The following PLA2G5 variants were observed in gnomAD, a reference collection of about 807,000 sequenced individuals.
PLA2G5 encodes the protein phospholipase A2 group V, also known as Ca2+-dependent phospholipase A2.
A neutral mutation model predicts 15.9 loss-of-function variants in PLA2G5; 12 were observed. That is an observed-to-expected ratio of 0.76 (90% confidence interval 0.48 to 1.23). The LOEUF is 1.23. Among genes scored for constraint, PLA2G5 ranks in the 50% most tolerant of loss-of-function variants. The pLI is 0.00. For synonymous variants in PLA2G5, 71 were observed against 71.4 expected (o/e 0.99, Z 0.03); for missense variants, 169 against 177.1 (o/e 0.95, Z 0.26).
intron 1 of PLA2G5, among the ~76,000 whole-genome samples, chr1:20,076,376 C>G (rs913718271): frequency 1.3e-5 from 2 of 152,176 alleles, no homozygotes; most frequent in Non-Finnish European, 2.9e-5. Context: ...AACTGTAACT[C>G]AGCTCTCACT....
intron 1 of PLA2G5, among the ~76,000 whole-genome samples, chr1:20,078,886 C>A (rs2015844492): frequency 6.6e-6 from 1 of 151,976 alleles, no homozygotes; most frequent in African/African-American, 2.4e-5. Context: ...GTGAGAGGAT[C>A]ACTTGACCCC....
At chr1:20,069,162 C>A, upstream of PLA2G5, 1 of 401,072 alleles carries the variant, frequency 2.5e-6, no homozygotes. Context: ...GCTATGGTGC[C>A]GCTAGGAATG....
rs780209439 is a variant in PLA2G5 at position 20,084,808 on chromosome 1, T to C, written c.-10-13T>C. 7.0e-7 allele frequency: 1 copy of C among 1,432,842 alleles called. No individual in the cohort carries two copies. The highest frequency in any genetic ancestry group is 9.4e-7 in the Non-Finnish European group (1 of 1,059,940). The allele number at this position is 1,432,842 out of a possible 1,614,324, so 88.8% of individuals were successfully genotyped here. On this transcript the variant is annotated splice_polypyrimidine_tract_variant and intron_variant, in intron 1 of 4. Transcript: ENST00000375108. ...CCTGATAGATCTGTTGTGGGATGTGTTTTTTTTTCCAGAACCCCAGAGATG... is the reference window on the plus strand; with the variant it reads ...CCTGATAGATCTGTTGTGGGATGTGCTTTTTTTTCCAGAACCCCAGAGATG...
intron 1 of PLA2G5, among the ~76,000 whole-genome samples, chr1:20,045,791 G>A (rs1013732707): frequency 2.6e-5 from 4 of 152,162 alleles, no homozygotes; most frequent in Non-Finnish European, 5.9e-5. Context: ...AATGTCATGC[G>A]TGTCCATGTG....
intron 1 of PLA2G5, among the ~76,000 whole-genome samples, chr1:20,045,729 G>A (rs2100371004): frequency 6.6e-6 from 1 of 152,316 alleles, no homozygotes; most frequent in South Asian, 2.1e-4. Flanking sequence ...ACAGCAGGAG[G>A]ACAGGGGATT....
At chr1:20,048,399 T>A (rs1187350017) in intron 1 of PLA2G5, among the ~76,000 whole-genome samples, 2 of 152,184 alleles carry the variant, frequency 1.3e-5, no homozygotes, top group African/African-American at 2.4e-5. Context: ...GAATAGGGGT[T>A]ACAAAACTCT....
chr1:20,052,946 C>T (rs2014247862), intron 1 of PLA2G5, among the ~76,000 whole-genome samples: 1 of 152,170 alleles, frequency 6.6e-6, no homozygotes, highest in Non-Finnish European at 1.5e-5. Flanking sequence ...AAGCCCCCTC[C>T]CCACTTCAAA....
intron 1 of PLA2G5, among the ~76,000 whole-genome samples, chr1:20,034,989 C>T (rs2013169728): frequency 6.6e-6 from 1 of 152,104 alleles, no homozygotes; most frequent in Non-Finnish European, 1.5e-5. Context: ...AACAGGGAGT[C>T]CACTCAGGAT....
At chr1:20,049,862 T>C (rs1227154922) in intron 1 of PLA2G5, among the ~76,000 whole-genome samples, 1 of 152,204 alleles carries the variant, frequency 6.6e-6, no homozygotes, top group African/African-American at 2.4e-5. Context: ...TCTCTCTCCT[T>C]TTAAAGGGTG....
At chr1:20,077,946 G>C (rs1393921908) in intron 1 of PLA2G5, among the ~76,000 whole-genome samples, 4 of 152,178 alleles carry the variant, frequency 2.6e-5, no homozygotes, top group African/African-American at 9.7e-5. Flanking sequence ...AGAAATAAGA[G>C]CTAAATCCCT....
upstream of PLA2G5, among the ~76,000 whole-genome samples, chr1:20,066,536 C>T (rs539358498): frequency 2.6e-5 from 4 of 152,290 alleles, no homozygotes; most frequent in South Asian, 4.1e-4. Flanking sequence ...GGATTTCCAC[C>T]TTCCTTACAA....
In PLA2G5 at chr1:20,070,252, A is replaced by T. The variant is rs911906243; in HGVS notation, c.-224A>T. 2 of 985,144 alleles carry T rather than the reference A, an allele frequency of 2.0e-6. No individual in the cohort carries two copies. The highest frequency in any genetic ancestry group is 1.8e-5 in the African/African-American group (1 of 57,132). 61.0% of individuals were successfully genotyped at this position (985,144 alleles called of 1,614,324 possible). On this transcript the variant is annotated 5_prime_UTR_variant, in exon 1 of 5. Transcript: ENST00000375108. ...GTCCAGGCAGAAGTTTTTCCTCCCC[A>T]CCTCCGGGTTTGTCCTCATCATCGG...
chr1:20,048,769 G>T (rs1239791759), intron 1 of PLA2G5, among the ~76,000 whole-genome samples: 8 of 152,084 alleles, frequency 5.3e-5, no homozygotes, highest in Admixed American at 5.2e-4. Context: ...TTTAAATGAT[G>T]ACTATGACAG....
In PLA2G5 at chr1:20,090,937, T is replaced by G; in HGVS notation, c.*245T>G. The stretch of plus-strand genomic sequence containing the variant: ...CCACTTCTGAGGGCAGCCCCTCTGG[T>G]GCCAAGAGCTCTCCTCCAACTCAGG... On this transcript the variant is annotated 3_prime_UTR_variant, in exon 5 of 5. Transcript: ENST00000375108. 2 of 428,526 alleles carry G rather than the reference T, an allele frequency of 4.7e-6. No individual in the cohort carries two copies. Among genetic ancestry groups the G allele is most frequent in the Non-Finnish European group, 8.4e-6 (2 of 238,092 alleles). 26.5% of individuals were successfully genotyped at this position (428,526 alleles called of 1,614,324 possible).
chr1:20,076,054 G>A (rs1204044802), intron 1 of PLA2G5, among the ~76,000 whole-genome samples: 1 of 152,002 alleles, frequency 6.6e-6, no homozygotes, highest in East Asian at 1.9e-4. Flanking sequence ...GTACTTTTTA[G>A]TAGAGACAGG....
intron 1 of PLA2G5, among the ~76,000 whole-genome samples, chr1:20,050,224 G>A (rs144468792): frequency 0.014 from 2,148 of 152,206 alleles, 46 homozygotes; most frequent in African/African-American, 0.049. Flanking sequence ...TGACTCCTGG[G>A]TCTAAAAAGG....
intron 1 of PLA2G5, among the ~76,000 whole-genome samples, chr1:20,054,166 C>G (rs1311441256): frequency 1.3e-5 from 2 of 152,134 alleles, no homozygotes; most frequent in Non-Finnish European, 2.9e-5. Context: ...TTCAAGGCCA[C>G]CAGGAGAATT....
chr1:20,083,924 A>G (rs1020530409), intron 1 of PLA2G5, among the ~76,000 whole-genome samples: 3 of 151,842 alleles, frequency 2.0e-5, no homozygotes, highest in Admixed American at 6.5e-5. Flanking sequence ...TTCTTTAGGT[A>G]GACACAGTGC....
At chr1:20,075,910 C>G (rs192991513) in intron 1 of PLA2G5, among the ~76,000 whole-genome samples, 2 of 141,620 alleles carry the variant, frequency 1.4e-5, no homozygotes, top group East Asian at 4.1e-4. Context: ...CTCACTCTGT[C>G]CCCCAGGATG....
Sources: gnomAD v4.1 joint callset for allele counts (sites outside exome capture counted in the v4.1 genomes callset) on GRCh38, gnomAD v4.1.1 for gene constraint, MANE v1.5 for transcripts, NCBI Gene and HGNC (gene_info 2026-07-23, HGNC 2026-07-21) for gene names.